The following PRSS54 variants were observed in gnomAD, a reference collection of about 807,000 sequenced individuals.
The protein encoded by PRSS54 is serine protease 54, also known as inactive serine protease 54.
A neutral mutation model predicts 19.9 loss-of-function variants in PRSS54; 16 were observed. The ratio of observed to expected loss-of-function variants is 0.80; its 90% CI spans 0.54 to 1.22. The LOEUF is 1.22. Ranked by LOEUF, PRSS54 falls within the 50% of genes most tolerant of loss-of-function variation. PRSS54 has a pLI of 0.00. For synonymous variants in PRSS54, 177 were observed against 195.8 expected, an observed-to-expected ratio of 0.90 and a Z score of 0.80; for missense variants, 444 against 494.8, an observed-to-expected ratio of 0.90 and a Z score of 0.97.
chr16:58,290,266 T>A (rs1179874055), intron 4 of PRSS54, among the ~76,000 whole-genome samples: 1 of 151,968 alleles, frequency 6.6e-6, no homozygotes, highest in South Asian at 2.1e-4. Flanking sequence ...TTGTGTGTAA[T>A]TAACCATCCT....
rs1567516557 is a variant in PRSS54, at chr16:58,291,140, C to CGGAGCAGGTGCGGG, written c.86-18_86-5dup. 2.5e-6 allele frequency: 4 copies of CGGAGCAGGTGCGGG among 1,613,360 alleles called. No homozygotes were observed. In the South Asian group the frequency reaches 4.4e-5, roughly 18 times the overall value. Reference sequence around the variant, plus strand: ...GAAGCTTTCTGGACGCCACAACCTGCGGAGCAGGTGCGGGGCCTCACTGCC... The same window carrying CGGAGCAGGTGCGGG: ...GAAGCTTTCTGGACGCCACAACCTGCGGAGCAGGTGCGGGGGAGCAGGTGCGGGGCCTCACTGCC... On this transcript the variant is annotated splice_region_variant and splice_polypyrimidine_tract_variant and intron_variant, in intron 3 of 6. Coordinates refer to ENST00000567164, the MANE Select transcript of PRSS54 (RefSeq NM_001305173.2).
chr16:58,285,723 C>CAAAAAA (rs1178010291), intron 5 of PRSS54, among the ~76,000 whole-genome samples: 1 of 78,836 alleles, frequency 1.3e-5, no homozygotes, highest in Non-Finnish European at 2.4e-5. Flanking sequence ...GACCCTGTCT[C>CAAAAAA]AAAAAAAAAA....
At chr16:58,281,006 T>G (rs1964717106) in intron 6 of PRSS54, 1 of 484,604 alleles carries the variant, frequency 2.1e-6, no homozygotes, top group African/African-American at 1.9e-5. Context: ...TGGTTCATAT[T>G]TCATTTTCTT....
chr16:58,290,755 T>C (rs907335918), intron 4 of PRSS54, among the ~76,000 whole-genome samples: 2 of 152,180 alleles, frequency 1.3e-5, no homozygotes, highest in Non-Finnish European at 2.9e-5. Flanking sequence ...ATTTTTCCGT[T>C]GCAAGGCCTG....
Position 58,284,801 on chromosome 16 carries a change from C to T in PRSS54, c.523-80G>A. 4.6e-6 allele frequency: 7 copies of T among 1,523,196 alleles called. No homozygotes were observed. In the South Asian group the frequency reaches 8.2e-5, roughly 18 times the overall value. 94.4% of individuals were successfully genotyped at this position (1,523,196 alleles called of 1,614,324 possible). A position where few individuals can be genotyped will look rare whatever the true frequency, so the allele number is the denominator to read the frequency against. ...GTCAACACAACTCCCACTCATATAGCCAAACGAGAGTGAGAATTTTTTTTT... is the reference window on the plus strand; with the variant it reads ...GTCAACACAACTCCCACTCATATAGTCAAACGAGAGTGAGAATTTTTTTTT... On this transcript the variant is annotated intron_variant, in intron 5 of 6. Transcript: ENST00000567164.
chr16:58,293,789 C>A lies in PRSS54; in HGVS notation c.28G>T (p.Asp10Tyr), dbSNP rs756888159. The change falls in exon 3 of 7, where the codon GAT becomes TAT. Residue 10 changes from aspartate to tyrosine, a missense_variant. Physicochemically the swap from Asp to Tyr is radical, Grantham distance 160. Coordinates refer to ENST00000567164, the MANE Select transcript of PRSS54 (RefSeq NM_001305173.2). MVSAAGLSGDGKMRGVLLVL... is the reference protein window; with the variant it reads MVSAAGLSGYGKMRGVLLVL... ...AGGAGCACCCCTCGCATCTTGCCAT[C>A]CCCAGAGAGACCCGCCGCGGACACC... The A allele has an allele frequency of 1.4e-5, 23 of 1,613,230 alleles. No homozygotes were observed. Among genetic ancestry groups the A allele is most frequent in the Non-Finnish European group, 1.9e-5 (22 of 1,179,704 alleles).
intron 6 of PRSS54, 60 bp downstream of exon 6, chr16:58,284,530 C>A: frequency 1.2e-6 from 2 of 1,603,592 alleles, no homozygotes; most frequent in Non-Finnish European, 1.7e-6. Flanking sequence ...TCCTGAGGCT[C>A]CCCTGGATGT....
At chr16:58,292,381 G>A (rs895926408) in intron 3 of PRSS54, among the ~76,000 whole-genome samples, 9 of 152,066 alleles carry the variant, frequency 5.9e-5, no homozygotes, top group Non-Finnish European at 1.2e-4. Context: ...CACAGGAAGT[G>A]TGCCCAAAGT....
intron 5 of PRSS54, among the ~76,000 whole-genome samples, chr16:58,285,592 A>G (rs961104748): frequency 8.6e-5 from 13 of 152,042 alleles, no homozygotes; most frequent in Non-Finnish European, 1.6e-4. Flanking sequence ...ATTTAAAACA[A>G]TTAACCAGGC....
At chr16:58,293,545 T>C in intron 3 of PRSS54, 187 bp downstream of exon 3, 2 of 985,408 alleles carry the variant, frequency 2.0e-6, no homozygotes, top group Non-Finnish European at 2.4e-6. Context: ...GTTTCCTCCA[T>C]CCACGTCCCA....
In PRSS54 at chr16:58,280,632, G is replaced by A. The variant is rs367759301; in HGVS notation, c.780C>T (p.Tyr260=). Residue 260 remains tyrosine, a synonymous_variant, in exon 7 of 7, where the codon TAC becomes TAT. Transcript: ENST00000567164. ...CAGCCTTGGATGTGATCCATTTGCT[G>A]TAGTCTTCCACCTTGGTGTACAGAA... ...GLFLYTKVED[Y]SKWITSKAER... The A allele has an allele frequency of 6.2e-7, 1 of 1,614,192 alleles. No individual in the cohort carries two copies. Among genetic ancestry groups the A allele is most frequent in the East Asian group, 2.2e-5 (1 of 44,882 alleles).
chr16:58,289,493 A>G (rs941662438), intron 4 of PRSS54, among the ~76,000 whole-genome samples: 1 of 152,114 alleles, frequency 6.6e-6, no homozygotes, highest in Non-Finnish European at 1.5e-5. Context: ...AGGGAGAAAA[A>G]CTAGTGACTG....
At chr16:58,294,666 C>T (rs1965108113) in intron 1 of PRSS54, among the ~76,000 whole-genome samples, 1 of 152,212 alleles carries the variant, frequency 6.6e-6, no homozygotes, top group Non-Finnish European at 1.5e-5. Flanking sequence ...CAGCGTGAGC[C>T]ACCGTGCCCG....
intron 3 of PRSS54, among the ~76,000 whole-genome samples, chr16:58,291,340 T>A (rs1195704339): frequency 6.6e-6 from 1 of 152,224 alleles, no homozygotes; most frequent in East Asian, 1.9e-4. Flanking sequence ...AAAACTCTCA[T>A]CTATTGAACA....
intron 4 of PRSS54, among the ~76,000 whole-genome samples, chr16:58,289,417 A>C (rs1005995729): frequency 5.3e-5 from 8 of 152,220 alleles, no homozygotes; most frequent in Non-Finnish European, 1.2e-4. Flanking sequence ...AGGTATATAG[A>C]TATCCATGAG....
rs751102967 is a variant in PRSS54, at chr16:58,280,353, G to C, written c.1059C>G (p.Pro353=). ...SGRSPEASVQ[P]LYYDYYGGEV... ...CCCCACCGTAATAGTCATAGTATAA[G>C]GGTTGTACAGACGCCTCAGGAGACC... Residue 353 remains proline, a synonymous_variant, in exon 7 of 7, where the codon CCC becomes CCG. Transcript: ENST00000567164. The C allele has an allele frequency of 6.2e-7, 1 of 1,614,174 alleles. No homozygotes were observed.
chr16:58,293,536 T>C lies in PRSS54; in HGVS notation c.85+196A>G, dbSNP rs1027809982. On this transcript the variant is annotated intron_variant, in intron 3 of 6. Transcript: ENST00000567164. ...CCCTAAGGATTGGCCCTGACTTTAG[T>C]TTCCTCCATCCACGTCCCATGATTC... The C allele has an allele frequency of 1.0e-5, 10 of 985,240 alleles. No homozygotes were observed. In the African/African-American group the frequency reaches 1.7e-4, roughly 17 times the overall value. The allele number at this position is 985,240 out of a possible 1,614,324, so 61.0% of individuals were successfully genotyped here.
intron 4 of PRSS54, among the ~76,000 whole-genome samples, chr16:58,290,349 G>A (rs994292934): frequency 6.6e-6 from 1 of 152,030 alleles, no homozygotes; most frequent in African/African-American, 2.4e-5. Context: ...CAAAAATGAA[G>A]TCACTGGGTC....
Position 58,280,178 on chromosome 16 carries a change from T to G in PRSS54, c.*46A>C. The G allele has an allele frequency of 6.5e-7, 1 of 1,540,738 alleles. No individual in the cohort carries two copies. Among genetic ancestry groups the G allele is most frequent in the South Asian group, 1.2e-5 (1 of 81,314 alleles). On this transcript the variant is annotated 3_prime_UTR_variant, in exon 7 of 7. Coordinates refer to ENST00000567164, the MANE Select transcript of PRSS54 (RefSeq NM_001305173.2). Reference sequence around the variant, plus strand: ...AAACAGCATGGTGAATGCCTGGCACTCAGCATTCTCAGTTTACTCTTCAGT... The same window carrying G: ...AAACAGCATGGTGAATGCCTGGCACGCAGCATTCTCAGTTTACTCTTCAGT...
Sources: allele counts gnomAD v4.1 joint callset (sites outside exome capture counted in the v4.1 genomes callset), GRCh38; gene constraint gnomAD v4.1.1; transcripts MANE v1.5; gene names NCBI Gene and HGNC (gene_info 2026-07-23, HGNC 2026-07-21).